The following EPHA6 variants were observed in gnomAD, a reference collection of about 807,000 sequenced individuals.
EPHA6 encodes the protein ephrin type-A receptor 6.
EPHA6 carries 50 observed loss-of-function variants against 112.0 expected under a neutral mutation model. That is an observed-to-expected ratio of 0.45 (90% CI 0.36 to 0.56). The LOEUF is 0.56. Ranked by LOEUF, EPHA6 falls within the 20% of genes least tolerant of loss-of-function variation. EPHA6 has a pLI of 0.00. For missense variants in EPHA6, 1,280 were observed against 1,417.4 expected (o/e 0.90, Z 1.56); for synonymous variants, 529 against 490.7 (o/e 1.08, Z -1.03).
rs185075178 is a variant in EPHA6 at position 97,755,924 on chromosome 3, C to T, written c.*7223C>T. ...AACACTACACTTTTAAGATTTTTACCGTAAGTAAAATGTCCTCTTCCACTG... is the reference window on the plus strand; with the variant it reads ...AACACTACACTTTTAAGATTTTTACTGTAAGTAAAATGTCCTCTTCCACTG... On this transcript the variant is annotated 3_prime_UTR_variant, in exon 18 of 18. Coordinates refer to ENST00000389672, the MANE Select transcript of EPHA6 (RefSeq NM_001080448.3). 4.6e-5 allele frequency among the ~76,000 whole-genome samples: 7 copies of T among 151,942 alleles called. No homozygotes were observed. Among genetic ancestry groups the T allele is most frequent in the African/African-American group, 1.7e-4 (7 of 41,516 alleles).
intron 2 of EPHA6, among the ~76,000 whole-genome samples, chr3:96,901,502 TAGA>T (rs142437385): frequency 0.069 from 10,463 of 152,088 alleles, 702 homozygotes; most frequent in Admixed American, 0.21. Context: ...TGATATTCTG[TAGA>T]AGATGTTTGA....
At chr3:97,584,192 G>A (rs1406969649) in intron 11 of EPHA6, among the ~76,000 whole-genome samples, 2 of 152,168 alleles carry the variant, frequency 1.3e-5, no homozygotes, top group African/African-American at 2.4e-5. Flanking sequence ...ATATAAAGAT[G>A]ATTTTAATTC....
chr3:97,720,262 G>A lies in EPHA6; in HGVS notation c.2786G>A (p.Gly929Asp), dbSNP rs756905084. Residue 929 changes from glycine to aspartate, a missense_variant and splice_region_variant, in exon 15 of 18, where the codon GGT becomes GAT. This residue lies in a region of EPHA6 where 878 missense variants were observed against 999.7 expected (regional missense o/e 0.88). Coordinates refer to ENST00000389672, the MANE Select transcript of EPHA6 (RefSeq NM_001080448.3). ...AGAAATCTCCAATTTGTTTTCCAGGGTGGAAAAATCCCCATAAGGTGGACA... is the reference window on the plus strand; with the variant it reads ...AGAAATCTCCAATTTGTTTTCCAGGATGGAAAAATCCCCATAAGGTGGACA... ...DDPEAAYTTT[G>D]GKIPIRWTAP... 3.2e-6 allele frequency: 5 copies of A among 1,574,210 alleles called. No homozygotes were observed. The South Asian group carries it at 6.0e-5, about 19-fold the overall frequency.
At chr3:97,364,373 A>G (rs1207087305) in intron 5 of EPHA6, among the ~76,000 whole-genome samples, 1 of 151,414 alleles carries the variant, frequency 6.6e-6, no homozygotes, top group African/African-American at 2.4e-5. Flanking sequence ...TTTGACATAA[A>G]CAGTAATTTT....
At chr3:97,740,811 T>C (rs1247478692) in intron 16 of EPHA6, among the ~76,000 whole-genome samples, 9 of 152,170 alleles carry the variant, frequency 5.9e-5, no homozygotes, top group Non-Finnish European at 1.3e-4. Context: ...AAGATTTTGT[T>C]CAATGCCACA....
chr3:97,147,537 T>G (rs2076072453), intron 3 of EPHA6, among the ~76,000 whole-genome samples: 1 of 152,144 alleles, frequency 6.6e-6, no homozygotes, highest in Non-Finnish European at 1.5e-5. Context: ...GGTGTTTAAC[T>G]AGTGGAGAAA....
chr3:97,741,122 G>C (rs565644877), intron 16 of EPHA6, among the ~76,000 whole-genome samples: 24 of 152,142 alleles, frequency 1.6e-4, no homozygotes, highest in African/African-American at 5.5e-4. Flanking sequence ...AGGCCAAGGT[G>C]GCAGGATCAC....
chr3:97,523,921 C>A (rs899843599), intron 10 of EPHA6, among the ~76,000 whole-genome samples: 3 of 151,998 alleles, frequency 2.0e-5, no homozygotes, highest in Non-Finnish European at 4.4e-5. Context: ...TAATCACTCC[C>A]ATGCTCTATT....
At chr3:97,729,049 T>C (rs1459836430) in intron 15 of EPHA6, among the ~76,000 whole-genome samples, 2 of 152,100 alleles carry the variant, frequency 1.3e-5, no homozygotes, top group African/African-American at 4.8e-5. Flanking sequence ...GTGTAGGATT[T>C]TAAGAAAGTT....
intron 14 of EPHA6, among the ~76,000 whole-genome samples, chr3:97,705,349 T>G (rs2033619348): frequency 6.6e-6 from 1 of 152,198 alleles, no homozygotes. Flanking sequence ...CTTCATTTTC[T>G]CTGGAAGGCT....
intron 1 of EPHA6, among the ~76,000 whole-genome samples, chr3:96,816,118 TAAAC>T (rs369413390): frequency 5.3e-5 from 8 of 152,296 alleles, no homozygotes; most frequent in Non-Finnish European, 1.0e-4. Context: ...AGGGAGAAGA[TAAAC>T]AACACAGCAT....
At chr3:97,166,968 C>T (rs1001696927) in intron 3 of EPHA6, among the ~76,000 whole-genome samples, 1 of 152,056 alleles carries the variant, frequency 6.6e-6, no homozygotes, top group African/African-American at 2.4e-5. Context: ...ATTCAAATGA[C>T]CACAATTCAC....
rs2094080308 is a variant in EPHA6, at chr3:97,648,153, G to A, written c.2784+10071G>A. On this transcript the variant is annotated intron_variant, in intron 14 of 17. Coordinates refer to ENST00000389672, the MANE Select transcript of EPHA6 (RefSeq NM_001080448.3). ...TTTTGTGTTATCCATGGCAAATTTT[G>A]GTTTTGTTTGTCTGACAGCAGCAAT... 4 of 439,218 alleles carry A rather than the reference G, an allele frequency of 9.1e-6. No individual in the cohort carries two copies. In the East Asian group the frequency reaches 1.4e-4, roughly 15 times the overall value. The allele number at this position is 439,218 out of a possible 1,614,324, so 27.2% of individuals were successfully genotyped here.
At chr3:97,419,556 C>T (rs989003794) in intron 6 of EPHA6, among the ~76,000 whole-genome samples, 2 of 151,884 alleles carry the variant, frequency 1.3e-5, no homozygotes, top group African/African-American at 2.4e-5. Flanking sequence ...ACCTGGGAGG[C>T]GGAGGTTGCA....
chr3:97,090,371 A>G (rs2047025535), intron 3 of EPHA6, among the ~76,000 whole-genome samples: 1 of 152,120 alleles, frequency 6.6e-6, no homozygotes, highest in Non-Finnish European at 1.5e-5. Flanking sequence ...ATTTACTTGT[A>G]GATCACACTA....
intron 1 of EPHA6, among the ~76,000 whole-genome samples, chr3:96,817,517 T>C (rs1200648853): frequency 6.6e-6 from 1 of 151,894 alleles, no homozygotes; most frequent in Non-Finnish European, 1.5e-5. Context: ...AGTAATATAA[T>C]TCATATTTAG....
chr3:97,705,752 G>A (rs904842826), intron 14 of EPHA6, among the ~76,000 whole-genome samples: 1 of 152,164 alleles, frequency 6.6e-6, no homozygotes. Context: ...TAGAAATCTG[G>A]ATTGACCTTT....
chr3:97,578,070 G>C (rs533180905), intron 11 of EPHA6, among the ~76,000 whole-genome samples: 133 of 152,244 alleles, frequency 8.7e-4, no homozygotes, highest in African/African-American at 2.6e-3. Flanking sequence ...ATGAGATAGA[G>C]TCATCAGAGG....
intron 3 of EPHA6, among the ~76,000 whole-genome samples, chr3:97,092,714 G>A (rs1308638021): frequency 6.6e-6 from 1 of 151,846 alleles, no homozygotes; most frequent in Non-Finnish European, 1.5e-5. Flanking sequence ...TTATAATATC[G>A]AGCAATTGTA....
Sources: allele counts gnomAD v4.1 joint callset (sites outside exome capture counted in the v4.1 genomes callset), GRCh38; gene constraint gnomAD v4.1.1; regional missense constraint gnomAD v4.1.1; transcripts MANE v1.5; gene names NCBI Gene and HGNC (gene_info 2026-07-23, HGNC 2026-07-21).